OLA1: variants seen among roughly 807,000 people sequenced by gnomAD.
The protein encoded by OLA1 is obg-like ATPase 1.
Under a neutral mutation model 48.4 loss-of-function variants are expected in OLA1, and 14 were observed. That is an observed-to-expected ratio of 0.29 (90% confidence interval 0.19 to 0.45). The LOEUF is 0.45. Among genes scored for constraint, OLA1 ranks in the 20% least tolerant of loss-of-function variants. The pLI is 1.00. For synonymous variants in OLA1, 127 were observed against 150.4 expected, an observed-to-expected ratio of 0.84 and a Z score of 1.14; for missense variants, 325 against 467.1, an observed-to-expected ratio of 0.70 and a Z score of 2.80.
chr2:174,089,934 C>T (rs1214904287), intron 7 of OLA1, among the ~76,000 whole-genome samples: 1 of 150,336 alleles, frequency 6.7e-6, no homozygotes, highest in Non-Finnish European at 1.5e-5. Flanking sequence ...CATAATTATG[C>T]TTTTCTTATC....
At position 174,213,037 on chromosome 2, in the gene OLA1, T is replaced by A. The variant is rs1015199621; in HGVS notation, c.373+9996A>T. Reference sequence around the variant, plus strand: ...AGGCAGAAAATTTAACTACAACAATTGGTGACCAGAACTCAGGAAAGAATA... The same window carrying A: ...AGGCAGAAAATTTAACTACAACAATAGGTGACCAGAACTCAGGAAAGAATA... On this transcript the variant is annotated intron_variant, in intron 4 of 10. Transcript: ENST00000284719. Among the ~76,000 whole-genome samples the A allele has an allele frequency of 6.6e-5, 10 of 152,184 alleles. No individual in the cohort carries two copies. The East Asian group carries it at 1.9e-3, about 29-fold the overall frequency.
intron 2 of OLA1, among the ~76,000 whole-genome samples, chr2:174,245,103 G>A (rs1689098395): frequency 6.6e-6 from 1 of 152,166 alleles, no homozygotes; most frequent in Non-Finnish European, 1.5e-5. Context: ...TGAGAAGTAT[G>A]TCAATATCTC....
chr2:174,229,821 C>A (rs1688689734), intron 2 of OLA1, among the ~76,000 whole-genome samples: 1 of 152,146 alleles, frequency 6.6e-6, no homozygotes, highest in Non-Finnish European at 1.5e-5. Flanking sequence ...CCTTCTCTAG[C>A]ATGAAATGTA....
At chr2:174,239,567 G>A (rs1268260060) in intron 2 of OLA1, among the ~76,000 whole-genome samples, 2 of 151,924 alleles carry the variant, frequency 1.3e-5, no homozygotes, top group East Asian at 1.9e-4. Context: ...CCAGGTTAAA[G>A]GAAACTAAGG....
At chr2:174,189,534 G>A (rs761467081) in intron 4 of OLA1, among the ~76,000 whole-genome samples, 8 of 152,034 alleles carry the variant, frequency 5.3e-5, no homozygotes, top group Non-Finnish European at 8.8e-5. Flanking sequence ...AGAGATGTTC[G>A]GTCTCACTCA....
rs114467197 is a variant in OLA1 at position 174,218,141 on chromosome 2, C to T, written c.373+4892G>A. 7.6e-3 allele frequency among the ~76,000 whole-genome samples: 1,164 copies of T among 152,184 alleles called. 20 individuals are homozygous for T. Among genetic ancestry groups the T allele is most frequent in the African/African-American group, 0.026 (1,065 of 41,514 alleles). ...CCTCGGGCCTCAGCCTTCTGAGTAGCTAGGATTACCAGCATGTGCCACTGC... is the reference window on the plus strand; with the variant it reads ...CCTCGGGCCTCAGCCTTCTGAGTAGTTAGGATTACCAGCATGTGCCACTGC... On this transcript the variant is annotated intron_variant, in intron 4 of 10. Transcript: ENST00000284719.
At chr2:174,105,641 A>G (rs774889170) in intron 7 of OLA1, among the ~76,000 whole-genome samples, 3 of 152,044 alleles carry the variant, frequency 2.0e-5, no homozygotes, top group Non-Finnish European at 4.4e-5. Flanking sequence ...TATCAGAAGA[A>G]TAATAAGGAT....
intron 7 of OLA1, among the ~76,000 whole-genome samples, chr2:174,091,234 T>A (rs1166229364): frequency 1.3e-5 from 2 of 152,224 alleles, no homozygotes; most frequent in Non-Finnish European, 2.9e-5. Context: ...TAAGTAGTTT[T>A]CAACCTCTTC....
At chr2:174,144,946 AAAAAAAT>A (rs1438112851) in intron 4 of OLA1, among the ~76,000 whole-genome samples, 3 of 76,906 alleles carry the variant, frequency 3.9e-5, no homozygotes, top group Non-Finnish European at 5.2e-5. Context: ...AAAAAAAAAA[AAAAAAAT>A]ATATATATAT....
At chr2:174,085,502 C>A (rs1684950649) in intron 7 of OLA1, among the ~76,000 whole-genome samples, 1 of 152,196 alleles carries the variant, frequency 6.6e-6, no homozygotes, top group African/African-American at 2.4e-5. Context: ...ACCCCCATCA[C>A]CCACCCATGG....
intron 3 of OLA1, among the ~76,000 whole-genome samples, chr2:174,226,895 G>C (rs546966811): frequency 6.3e-4 from 96 of 152,186 alleles, no homozygotes; most frequent in African/African-American, 2.1e-3. Flanking sequence ...GTTCAAGCCA[G>C]CCTAGGCAAC....
intron 7 of OLA1, among the ~76,000 whole-genome samples, chr2:174,112,375 G>A (rs989491887): frequency 7.2e-5 from 11 of 152,172 alleles, no homozygotes; most frequent in Admixed American, 7.2e-4. Context: ...TTACAAGCTT[G>A]TTGGGAATCT....
chr2:174,223,793 G>A (rs940519034), intron 3 of OLA1, among the ~76,000 whole-genome samples: 1 of 139,590 alleles, frequency 7.2e-6, no homozygotes, highest in African/African-American at 2.6e-5. Flanking sequence ...AAAAAAGCGT[G>A]TAATGCTGAG....
intron 7 of OLA1, among the ~76,000 whole-genome samples, chr2:174,106,356 G>T (rs1685514370): frequency 6.6e-6 from 1 of 151,996 alleles, no homozygotes; most frequent in South Asian, 2.1e-4. Context: ...GCAAATAATA[G>T]TCAAACCAAC....
In OLA1 at chr2:174,123,293, G is replaced by A; in HGVS notation, c.631-16C>T. ...ACACTTCAATCTAAAGTGGGAGATG[G>A]AGAAAGAATCCCTTTTAAAAGTTTA... is the stretch of plus-strand genomic sequence containing the variant. On this transcript the variant is annotated splice_polypyrimidine_tract_variant and intron_variant, in intron 6 of 10. Transcript: ENST00000284719. 8.2e-7 allele frequency: 1 copy of A among 1,217,816 alleles called. No individual in the cohort carries two copies. Among genetic ancestry groups the A allele is most frequent in the Non-Finnish European group, 1.2e-6 (1 of 856,688 alleles). 75.4% of individuals were successfully genotyped at this position (1,217,816 alleles called of 1,614,324 possible).
Position 174,223,142 on chromosome 2 carries a change from T to C in OLA1, c.264A>G (p.Leu88=). 6.8e-6 allele frequency: 11 copies of C among 1,613,928 alleles called. No homozygotes were observed. The Middle Eastern group carries it at 4.9e-4, about 73-fold the overall frequency. ...HKPASKIPAF[L]NVVDIAGLVK... ...CAAGGCCAGCAATATCCACCACATTTAGAAAGGCAGGAATTTTGCTGAAAA... is the reference window on the plus strand; with the variant it reads ...CAAGGCCAGCAATATCCACCACATTCAGAAAGGCAGGAATTTTGCTGAAAA... The change falls in exon 4 of 11, where the codon CTA becomes CTG. Residue 88 remains leucine (L), a synonymous_variant. Transcript: ENST00000284719.
chr2:174,116,837 T>A (rs1303273445), intron 7 of OLA1, among the ~76,000 whole-genome samples: 1 of 152,194 alleles, frequency 6.6e-6, no homozygotes, highest in Non-Finnish European at 1.5e-5. Context: ...CATACATTCA[T>A]ACTCAGAGAG....
chr2:174,163,942 T>G (rs942069549), intron 4 of OLA1, among the ~76,000 whole-genome samples: 6 of 151,438 alleles, frequency 4.0e-5, no homozygotes, highest in African/African-American at 1.5e-4. Context: ...CCAAATCTCA[T>G]CTTGAATTGT....
intron 4 of OLA1, among the ~76,000 whole-genome samples, chr2:174,143,958 G>A (rs1354274301): frequency 6.6e-6 from 1 of 151,788 alleles, no homozygotes; most frequent in African/African-American, 2.4e-5. Flanking sequence ...AAAAAATATA[G>A]TCGGGCATGG....
Sources: gnomAD v4.1 joint callset for allele counts (sites outside exome capture counted in the v4.1 genomes callset) on GRCh38, gnomAD v4.1.1 for gene constraint, MANE v1.5 for transcripts, NCBI Gene and HGNC (gene_info 2026-07-23, HGNC 2026-07-21) for gene names.